Variants in TLCD4 observed in about 807,000 individuals in gnomAD.
TLCD4 encodes the protein TLC domain-containing protein 4.
A neutral mutation model predicts 24.2 loss-of-function variants in TLCD4; 7 were observed. That is an observed-to-expected ratio of 0.29 (90% CI 0.16 to 0.54). The LOEUF (loss-of-function observed/expected upper bound fraction) is 0.54, where lower values mean the gene tolerates loss of function less well. Ranked by LOEUF, TLCD4 falls within the 20% of genes least tolerant of loss-of-function variation. The probability of loss-of-function intolerance (pLI) is 0.95; values close to 1 mark genes in which losing one functional copy is unlikely to be tolerated. For synonymous variants in TLCD4, 103 were observed against 106.4 expected, an observed-to-expected ratio of 0.97 and a Z score of 0.20; for missense variants, 259 against 313.9, an observed-to-expected ratio of 0.82 and a Z score of 1.32.
chr1:95,147,271 A>T (rs548226831), intron 2 of TLCD4, among the ~76,000 whole-genome samples: 41 of 152,088 alleles, frequency 2.7e-4, no homozygotes, highest in Admixed American at 1.6e-3. Context: ...ATGGAATTTC[A>T]CCATGTTGAC....
chr1:95,121,339 G>A lies in TLCD4; in HGVS notation c.-12+3722G>A, dbSNP rs550832576. On this transcript the variant is annotated intron_variant, in intron 1 of 6. Coordinates refer to ENST00000370203, the MANE Select transcript of TLCD4 (RefSeq NM_152487.3). ...GCTAGTAGTGCAGGGAGGGTGAGTA[G>A]GAGGCTCACACCTCCCCTCACAATT... Among the ~76,000 whole-genome samples, 501 of 152,296 alleles carry A rather than the reference G, an allele frequency of 3.3e-3. 2 individuals are homozygous for A. Among genetic ancestry groups the A allele is most frequent in the Middle Eastern group, 6.8e-3 (2 of 294 alleles).
chr1:95,178,593 G>A (rs1678524177), intron 6 of TLCD4, among the ~76,000 whole-genome samples: 1 of 111,534 alleles, frequency 9.0e-6, no homozygotes, highest in South Asian at 2.8e-4. Flanking sequence ...TTTTGAGACA[G>A]TCTCACTAAT....
At chr1:95,180,742 A>G (rs953926590) in intron 6 of TLCD4, among the ~76,000 whole-genome samples, 1 of 152,190 alleles carries the variant, frequency 6.6e-6, no homozygotes, top group Non-Finnish European at 1.5e-5. Flanking sequence ...TGATATTGAA[A>G]TTGAATACCT....
chr1:95,133,026 A>G, intron 1 of TLCD4, among the ~76,000 whole-genome samples: 1 of 152,198 alleles, frequency 6.6e-6, no homozygotes, highest in Non-Finnish European at 1.5e-5. Context: ...AATACAGGCA[A>G]ATATTTCTAG....
At chr1:95,130,229 T>C (rs1357127647) in intron 1 of TLCD4, among the ~76,000 whole-genome samples, 1 of 143,956 alleles carries the variant, frequency 6.9e-6, no homozygotes, top group African/African-American at 2.5e-5. Context: ...CTCGGCTCAC[T>C]GCAGCCTCCG....
At chr1:95,176,946 A>G (rs1232402026) in intron 6 of TLCD4, among the ~76,000 whole-genome samples, 1 of 152,310 alleles carries the variant, frequency 6.6e-6, no homozygotes, top group East Asian at 1.9e-4. Context: ...ATTTGGCTGT[A>G]CATGCAAGGG....
chr1:95,185,043 T>A (rs59255177), intron 6 of TLCD4, among the ~76,000 whole-genome samples: 4,097 of 152,158 alleles, frequency 0.027, 200 homozygotes, highest in African/African-American at 0.094. Flanking sequence ...TCTTTTTTTT[T>A]AAATTATACT....
At chr1:95,109,285 T>C in the TLCD4 span, among the ~76,000 whole-genome samples, 4 of 151,988 alleles carry the variant, frequency 2.6e-5, no homozygotes, top group African/African-American at 7.2e-5. Context: ...GAGATCTCAT[T>C]TGAGCCAAAA....
At chr1:95,114,353 C>G (rs554768046), upstream of TLCD4, among the ~76,000 whole-genome samples, 8 of 152,070 alleles carry the variant, frequency 5.3e-5, no homozygotes, top group East Asian at 1.5e-3. Context: ...AAATGTTTGG[C>G]GTCATTTAGT....
At chr1:95,190,342 CTTTTT>C (rs200553698) in intron 6 of TLCD4, among the ~76,000 whole-genome samples, 1 of 135,126 alleles carries the variant, frequency 7.4e-6, no homozygotes, top group South Asian at 2.6e-4. Context: ...CTTTTCTTTT[CTTTTT>C]TGAGATGGAA....
chr1:95,134,162 G>A (rs1287230696), intron 1 of TLCD4, among the ~76,000 whole-genome samples: 1 of 152,170 alleles, frequency 6.6e-6, no homozygotes, highest in South Asian at 2.1e-4. Context: ...TGGCATGGAA[G>A]ACATGCCATT....
At chr1:95,137,162 C>T (rs1677066571) in intron 1 of TLCD4, among the ~76,000 whole-genome samples, 2 of 152,072 alleles carry the variant, frequency 1.3e-5, no homozygotes, top group East Asian at 1.9e-4. Flanking sequence ...TATGCCTGAT[C>T]GCCTTCATTT....
At chr1:95,182,835 T>C (rs1678695267) in intron 6 of TLCD4, among the ~76,000 whole-genome samples, 1 of 152,166 alleles carries the variant, frequency 6.6e-6, no homozygotes, top group Non-Finnish European at 1.5e-5. Flanking sequence ...TAGGACTTTT[T>C]TTTTTAAGAA....
At position 95,191,988 on chromosome 1, in the gene TLCD4, AT is replaced by A. The variant is rs948203220; in HGVS notation, c.*128del. ...AATTGTTATTCAGGATTTCAGTGTC[AT>A]TTTTTTTAAACCTTAGAAAAGAGAA... On this transcript the variant is annotated 3_prime_UTR_variant, in exon 7 of 7. Transcript: ENST00000370203. The A allele has an allele frequency of 1.5e-4, 217 of 1,450,316 alleles. No individual in the cohort carries two copies. The highest frequency in any genetic ancestry group is 1.8e-4 in the Non-Finnish European group (201 of 1,109,350). The allele number at this position is 1,450,316 out of a possible 1,614,324, so 89.8% of individuals were successfully genotyped here.
Position 95,194,685 on chromosome 1 carries a change from A to T in TLCD4, c.*2817A>T, listed in dbSNP as rs1679138103. On this transcript the variant is annotated 3_prime_UTR_variant, in exon 7 of 7. Transcript: ENST00000370203. ...AATGTGTAGTATCCTAGAAAATAAA[A>T]GTTCTTGTGAAACTTAAAAAATGAA... The T allele has an allele frequency of 6.6e-6, 1 of 152,152 alleles. No homozygotes were observed. The allele number at this position is 152,152 out of a possible 1,614,324, so 9.4% of individuals were successfully genotyped here. A position where few individuals can be genotyped will look rare whatever the true frequency, so the allele number is the denominator to read the frequency against.
chr1:95,189,214 C>T (rs780150847), intron 6 of TLCD4, among the ~76,000 whole-genome samples: 30 of 152,174 alleles, frequency 2.0e-4, no homozygotes, highest in Admixed American at 9.8e-4. Context: ...ATTGTTTTTG[C>T]GTGAACTAGA....
the TLCD4 span, among the ~76,000 whole-genome samples, chr1:95,104,963 C>T: frequency 8.0e-5 from 12 of 150,536 alleles, no homozygotes; most frequent in African/African-American, 2.9e-4. Context: ...TCAAGGCTGC[C>T]GTGCGCCCTG....
upstream of TLCD4, chr1:95,117,266 C>G (rs979873762): frequency 6.6e-6 from 1 of 152,308 alleles, no homozygotes; most frequent in Non-Finnish European, 1.5e-5. Context: ...AAGGTCTGCT[C>G]GGCGGCCCGC....
intron 1 of TLCD4, among the ~76,000 whole-genome samples, chr1:95,129,213 A>G (rs1676823276): frequency 6.6e-6 from 1 of 152,348 alleles, no homozygotes; most frequent in South Asian, 2.1e-4. Flanking sequence ...AGGAGGTGTC[A>G]GTTGCCAGGG....
Sources: gnomAD v4.1 joint callset for allele counts (sites outside exome capture counted in the v4.1 genomes callset) on GRCh38, gnomAD v4.1.1 for gene constraint, MANE v1.5 for transcripts, NCBI Gene and HGNC (gene_info 2026-07-23, HGNC 2026-07-21) for gene names.